Variants in CD82 observed in about 807,000 individuals in gnomAD.
CD82 encodes the protein CD82 molecule.
In CD82, 36 loss-of-function variants were observed where a neutral mutation model predicts 37.4. The observed-to-expected ratio is 0.96, with a 90% CI of 0.74 to 1.27. The LOEUF (loss-of-function observed/expected upper bound fraction) is 1.27, where lower values mean the gene tolerates loss of function less well. Ranked by LOEUF, CD82 falls within the 50% of genes most tolerant of loss-of-function variation. CD82 has a pLI of 0.00. For missense variants in CD82, 340 were observed against 347.0 expected, an observed-to-expected ratio of 0.98 and a Z score of 0.16; for synonymous variants, 158 against 137.4, an observed-to-expected ratio of 1.15 and a Z score of -1.05.
chr11:44,617,584 G>A (rs1027238866), intron 7 of CD82, among the ~76,000 whole-genome samples: 5 of 145,338 alleles, frequency 3.4e-5, no homozygotes, highest in Admixed American at 3.4e-4. Flanking sequence ...AAAAAAAAAG[G>A]CGGAATTGAC....
intron 1 of CD82, chr11:44,585,272 A>G (rs1405220353): frequency 8.9e-6 from 4 of 449,674 alleles, no homozygotes; most frequent in Non-Finnish European, 1.8e-5. Flanking sequence ...ACTTTTCCAG[A>G]TCATCATCAT....
At chr11:44,617,318 G>C (rs182833204) in intron 7 of CD82, among the ~76,000 whole-genome samples, 115 of 152,268 alleles carry the variant, frequency 7.6e-4, no homozygotes, top group African/African-American at 2.6e-3. Context: ...CAGCACTTTG[G>C]GAGGCCGAGG....
At chr11:44,614,502 G>T (rs1182203070) in intron 6 of CD82, among the ~76,000 whole-genome samples, 4 of 152,242 alleles carry the variant, frequency 2.6e-5, no homozygotes, top group African/African-American at 9.6e-5. Context: ...AGCCACGGGG[G>T]ACCCTGTAGT....
At position 44,597,845 on chromosome 11, in the gene CD82, G is replaced by A. The variant is rs1164395610; in HGVS notation, c.64-2313G>A. 1.3e-5 allele frequency among the ~76,000 whole-genome samples: 2 copies of A among 152,106 alleles called. No individual in the cohort carries two copies. Among genetic ancestry groups the A allele is most frequent in the East Asian group, 3.9e-4 (2 of 5,182 alleles). The stretch of plus-strand genomic sequence containing the variant: ...TGTGGGGTGGTTGTGGGCTGGGTAG[G>A]GTTGCAGGTCTTGGGGAACCAAACT... On this transcript the variant is annotated intron_variant, in intron 3 of 9. Transcript: ENST00000227155. This position sits in a 1 kb window ranked among gnomAD's most constrained non-coding sequence, Gnocchi z 4.1.
intron 3 of CD82, among the ~76,000 whole-genome samples, chr11:44,598,599 G>A (rs1285611926): frequency 3.3e-5 from 5 of 151,752 alleles, no homozygotes; most frequent in African/African-American, 9.7e-5. Context: ...TAGTGCAGAC[G>A]GGGTTTTGCC....
At chr11:44,611,945 C>T (rs1019822361) in intron 6 of CD82, among the ~76,000 whole-genome samples, 2 of 152,224 alleles carry the variant, frequency 1.3e-5, no homozygotes, top group Non-Finnish European at 2.9e-5. Context: ...GTGACAACCA[C>T]GCTGGGGTTT....
intron 2 of CD82, 155 bp downstream of exon 2, chr11:44,587,711 AT>A: frequency 4.8e-6 from 2 of 413,344 alleles, no homozygotes; most frequent in South Asian, 3.5e-5. Context: ...CTCCTACAGC[AT>A]TTAGAGTCCT....
rs76225528 is a variant in CD82, at chr11:44,603,961, C to A, written c.137-1097C>A. Among the ~76,000 whole-genome samples, 1,487 of 152,304 alleles carry A rather than the reference C, an allele frequency of 9.8e-3. 9 individuals are homozygous for A. The highest frequency in any genetic ancestry group is 0.02 in the South Asian group (94 of 4,816). ...CTCCTCCTTCCTCAGGCCTTTGCAC[C>A]TGCTGTGTTCCCTGCCTGGAATGCT... On this transcript the variant is annotated intron_variant, in intron 4 of 9. Transcript: ENST00000227155.
At chr11:44,593,994 TACAC>T (rs10532667) in intron 2 of CD82, among the ~76,000 whole-genome samples, 141,808 of 151,228 alleles carry the variant, frequency 0.94, 66,517 homozygotes, top group South Asian at 0.96. Flanking sequence ...CCATTTGTTA[TACAC>T]ACACACACAC....
chr11:44,608,003 C>T (rs1853423424), intron 6 of CD82: 1 of 152,232 alleles, frequency 6.6e-6, no homozygotes, highest in Non-Finnish European at 1.5e-5. Flanking sequence ...CAGCCTGCCT[C>T]ACCTTAGTCC....
At chr11:44,579,164 C>T (rs1043430595) in intron 1 of CD82, among the ~76,000 whole-genome samples, 1 of 151,724 alleles carries the variant, frequency 6.6e-6, no homozygotes, top group Non-Finnish European at 1.5e-5. Flanking sequence ...GGCACAGTGC[C>T]GCCACTCCTA....
At chr11:44,572,662 C>T (rs546855244) in intron 1 of CD82, among the ~76,000 whole-genome samples, 53 of 152,260 alleles carry the variant, frequency 3.5e-4, no homozygotes, top group Admixed American at 2.6e-3. Flanking sequence ...CCTTCCCATG[C>T]GGTGGGCACA....
chr11:44,564,629 A>C (rs1565076021), upstream of CD82: 1 of 402,316 alleles, frequency 2.5e-6, no homozygotes, highest in Non-Finnish European at 5.1e-6. Flanking sequence ...TTCTTCAGGG[A>C]GAAAGCCAGC....
chr11:44,565,343 T>C (rs1436629571), upstream of CD82, among the ~76,000 whole-genome samples: 1 of 152,032 alleles, frequency 6.6e-6, no homozygotes, highest in African/African-American at 2.4e-5. Context: ...GGCGGGACCG[T>C]TAGGCAGCGC....
intron 2 of CD82, among the ~76,000 whole-genome samples, chr11:44,589,074 C>G (rs922835143): frequency 2.6e-5 from 4 of 152,148 alleles, no homozygotes; most frequent in Non-Finnish European, 5.9e-5. Context: ...CTGGCCAACA[C>G]GGCAAAACCC....
intron 1 of CD82, chr11:44,573,002 C>A (rs957273635): frequency 2.6e-5 from 4 of 152,304 alleles, no homozygotes; most frequent in African/African-American, 9.6e-5. Flanking sequence ...AGAACTCTCC[C>A]TGCGGGCAAT....
At position 44,605,132 on chromosome 11, in the gene CD82, T is replaced by C. The variant is rs1853371652; in HGVS notation, c.211T>C (p.Phe71Leu). 1 of 1,614,068 alleles carries C rather than the reference T, an allele frequency of 6.2e-7. No individual in the cohort carries two copies. Among genetic ancestry groups the C allele is most frequent in the African/African-American group, 1.3e-5 (1 of 74,930 alleles). Reference protein sequence around the residue: ...GVGAVTMLMGFLGCIGAVNEV... With the variant: ...GVGAVTMLMGLLGCIGAVNEV... ...GGGGGCAGTCACTATGCTCATGGGC[T>C]TCCTGGGCTGCATCGGCGCCGTCAA... The change falls in exon 5 of 10, where the codon TTC (phenylalanine) becomes CTC (leucine). Residue 71 changes from phenylalanine to leucine, a missense_variant. By Grantham distance (22) the Phe-to-Leu change is conservative. Coordinates refer to ENST00000227155, the MANE Select transcript of CD82 (RefSeq NM_002231.4).
intron 6 of CD82, chr11:44,608,005 C>A (rs1416281019): frequency 6.6e-6 from 1 of 152,246 alleles, no homozygotes; most frequent in Non-Finnish European, 1.5e-5. Context: ...GCCTGCCTCA[C>A]CTTAGTCCAC....
intron 4 of CD82, among the ~76,000 whole-genome samples, chr11:44,604,099 C>G (rs766723385): frequency 2.6e-5 from 4 of 152,232 alleles, no homozygotes; most frequent in African/African-American, 7.2e-5. Flanking sequence ...CCCAGCAGTT[C>G]TCTGCAGTTA....
Sources: gnomAD v4.1 joint callset for allele counts (sites outside exome capture counted in the v4.1 genomes callset) on GRCh38, gnomAD v4.1.1 for gene constraint, Gnocchi (gnomAD v3.1) non-coding constraint, MANE v1.5 for transcripts, NCBI Gene and HGNC (gene_info 2026-07-23, HGNC 2026-07-21) for gene names.